The following GRK3 variants were observed in gnomAD, a reference collection of about 807,000 sequenced individuals.
GRK3 encodes the protein G protein-coupled receptor kinase 3, also known as adrenergic, beta, receptor kinase 2.
A neutral mutation model predicts 95.7 loss-of-function variants in GRK3; 54 were observed. The observed-to-expected ratio is 0.56, with a 90% CI of 0.45 to 0.71. The LOEUF (loss-of-function observed/expected upper bound fraction) is 0.71, where lower values mean the gene tolerates loss of function less well. Among genes scored for constraint, GRK3 ranks in the 30% least tolerant of loss-of-function variants. The pLI is 0.00. For synonymous variants in GRK3, 281 were observed against 290.8 expected (o/e 0.97, Z 0.34); for missense variants, 649 against 851.2 (o/e 0.76, Z 2.96).
intron 3 of GRK3, among the ~76,000 whole-genome samples, chr22:25,647,020 CAAAAAAAAAAAAAA>C (rs1025786169): frequency 3.7e-5 from 2 of 54,018 alleles, no homozygotes; most frequent in African/African-American, 6.4e-5. Flanking sequence ...GACTTTGTCT[CAAAAAAAAAAAAAA>C]AAAAAAAAAG....
chr22:25,706,252 GC>G (rs2085298753), intron 15 of GRK3, among the ~76,000 whole-genome samples: 1 of 152,188 alleles, frequency 6.6e-6, no homozygotes. Context: ...TAAACACCTT[GC>G]TGCAGGTGTT....
At chr22:25,591,475 G>A (rs554579216) in intron 1 of GRK3, among the ~76,000 whole-genome samples, 1 of 152,216 alleles carries the variant, frequency 6.6e-6, no homozygotes, top group Admixed American at 6.5e-5. Flanking sequence ...AAGGGTGAAA[G>A]TCTTAACCCT....
At chr22:25,717,147 G>T (rs754486846) in intron 18 of GRK3, among the ~76,000 whole-genome samples, 3 of 152,132 alleles carry the variant, frequency 2.0e-5, no homozygotes, top group Non-Finnish European at 4.4e-5. Flanking sequence ...TAAACTAGAG[G>T]TGATTTAAAG....
At chr22:25,603,218 A>G (rs2084421122) in intron 1 of GRK3, among the ~76,000 whole-genome samples, 1 of 152,154 alleles carries the variant, frequency 6.6e-6, no homozygotes. Context: ...CGCCTACCTA[A>G]CAATATACTT....
intron 17 of GRK3, among the ~76,000 whole-genome samples, chr22:25,714,072 G>T (rs1254676724): frequency 6.6e-6 from 1 of 152,086 alleles, no homozygotes; most frequent in Non-Finnish European, 1.5e-5. Context: ...ATTTTACTTT[G>T]TTGTCAGAAT....
intron 5 of GRK3, among the ~76,000 whole-genome samples, chr22:25,664,981 G>T (rs1431749887): frequency 6.6e-6 from 1 of 152,198 alleles, no homozygotes; most frequent in African/African-American, 2.4e-5. Context: ...TACCTGTCTG[G>T]ATAGTAGTGG....
Position 25,714,528 on chromosome 22 carries a change from G to T in GRK3, c.1612G>T (p.Ala538Ser). The T allele has an allele frequency of 1.2e-6, 2 of 1,610,884 alleles. No homozygotes were observed. Among genetic ancestry groups the T allele is most frequent in the Non-Finnish European group, 1.7e-6 (2 of 1,179,092 alleles). Reference protein sequence around the residue: ...AVNADTDKIEARKRAKNKQLG... With the variant: ...AVNADTDKIESRKRAKNKQLG... Reference sequence around the variant, plus strand: ...AAATGCAGACACAGATAAAATCGAGGCCAGGAAGAGAGCTAAAAATAAGCA... The same window carrying T: ...AAATGCAGACACAGATAAAATCGAGTCCAGGAAGAGAGCTAAAAATAAGCA... Residue 538 changes from alanine (A) to serine (S), a missense_variant, in exon 18 of 21, where the codon GCC becomes TCC. Ala to Ser is a moderately conservative substitution (Grantham distance 99). Coordinates refer to ENST00000324198, the MANE Select transcript of GRK3 (RefSeq NM_005160.4).
intron 7 of GRK3, among the ~76,000 whole-genome samples, chr22:25,673,562 T>G (rs1373668980): frequency 6.6e-6 from 1 of 152,118 alleles, no homozygotes; most frequent in Non-Finnish European, 1.5e-5. Flanking sequence ...GGAGACCCTG[T>G]GTCCTTGTGG....
At chr22:25,695,616 C>CA (rs1339593492) in intron 13 of GRK3, among the ~76,000 whole-genome samples, 1 of 151,978 alleles carries the variant, frequency 6.6e-6, no homozygotes, top group South Asian at 2.1e-4. Context: ...TTGAGAGTTA[C>CA]AAAAAAAGGA....
At chr22:25,571,291 C>G (rs558640916) in intron 1 of GRK3, among the ~76,000 whole-genome samples, 1 of 152,280 alleles carries the variant, frequency 6.6e-6, no homozygotes, top group East Asian at 1.9e-4. Flanking sequence ...CCACTGGCAG[C>G]TTGCTATGGG....
At chr22:25,569,860 T>TG (rs1931623851) in intron 1 of GRK3, among the ~76,000 whole-genome samples, 2 of 152,214 alleles carry the variant, frequency 1.3e-5, no homozygotes, top group Admixed American at 6.5e-5. Context: ...CCAGGTGAGT[T>TG]GCATTAGCTC....
intron 15 of GRK3, among the ~76,000 whole-genome samples, chr22:25,705,945 G>T (rs16980596): frequency 0.041 from 6,171 of 152,256 alleles, 184 homozygotes; most frequent in Middle Eastern, 0.1. Context: ...ATGGCAGACA[G>T]GTAGCATCCC....
intron 1 of GRK3, among the ~76,000 whole-genome samples, chr22:25,573,127 G>C (rs1931765219): frequency 6.6e-6 from 1 of 152,176 alleles, no homozygotes. Context: ...AGCTCCTCTA[G>C]CTCAAGATGC....
chr22:25,631,975 A>C (rs1193456955), intron 2 of GRK3, among the ~76,000 whole-genome samples: 1 of 152,172 alleles, frequency 6.6e-6, no homozygotes, highest in East Asian at 1.9e-4. Flanking sequence ...CCACCAACTG[A>C]ACATTTGGGT....
At chr22:25,615,225 T>A (rs1403298587) in intron 2 of GRK3, among the ~76,000 whole-genome samples, 1 of 152,326 alleles carries the variant, frequency 6.6e-6, no homozygotes, top group South Asian at 2.1e-4. Context: ...AAAAAAAAAT[T>A]ATATGCTCTG....
At chr22:25,706,923 G>A (rs537195755) in intron 15 of GRK3, among the ~76,000 whole-genome samples, 1 of 152,250 alleles carries the variant, frequency 6.6e-6, no homozygotes, top group East Asian at 1.9e-4. Flanking sequence ...CCCGGCCCAA[G>A]TAATTCTTTG....
At position 25,674,427 on chromosome 22, in the gene GRK3, G is replaced by T; in HGVS notation, c.556-10G>T. 1 of 1,605,544 alleles carries T rather than the reference G, an allele frequency of 6.2e-7. No homozygotes were observed. The highest frequency in any genetic ancestry group is 8.5e-7 in the Non-Finnish European group (1 of 1,174,254). Reference sequence around the variant, plus strand: ...ATCTTATGTTTTCATTTTGTGTTTGGATTTCCCAGTTGACCATGAATGAGT... The same window carrying T: ...ATCTTATGTTTTCATTTTGTGTTTGTATTTCCCAGTTGACCATGAATGAGT... On this transcript the variant is annotated splice_polypyrimidine_tract_variant and intron_variant, in intron 7 of 20. Transcript: ENST00000324198.
chr22:25,567,215 C>G (rs896158776), intron 1 of GRK3, among the ~76,000 whole-genome samples: 3 of 152,132 alleles, frequency 2.0e-5, no homozygotes, highest in African/African-American at 7.2e-5. Flanking sequence ...CTCTGTTGCT[C>G]TTTTTAAAAT....
chr22:25,714,819 C>T (rs1235071314), intron 18 of GRK3, among the ~76,000 whole-genome samples: 1 of 152,062 alleles, frequency 6.6e-6, no homozygotes, highest in Non-Finnish European at 1.5e-5. Context: ...TCTTGGAGTG[C>T]TTGGGGACTG....
Sources: gnomAD v4.1 joint callset for allele counts (sites outside exome capture counted in the v4.1 genomes callset) on GRCh38, gnomAD v4.1.1 for gene constraint, MANE v1.5 for transcripts, NCBI Gene and HGNC (gene_info 2026-07-23, HGNC 2026-07-21) for gene names.